LXN: variants seen among roughly 807,000 people sequenced by gnomAD.
LXN encodes MUM.
A neutral mutation model predicts 29.8 loss-of-function variants in LXN; 28 were observed. The ratio of observed to expected loss-of-function variants is 0.94; its 90% confidence interval spans 0.70 to 1.29. The LOEUF (loss-of-function observed/expected upper bound fraction) is 1.29, where lower values mean the gene tolerates loss of function less well. Among genes scored for constraint, LXN ranks in the 50% most tolerant of loss-of-function variants. The pLI is 0.00. For synonymous variants in LXN, 77 were observed against 89.6 expected (o/e 0.86, Z 0.80); for missense variants, 227 against 261.7 (o/e 0.87, Z 0.92).
Position 158,666,454 on chromosome 3 carries a change from C to T in LXN, c.*192G>A. The T allele has an allele frequency of 7.6e-7, 1 of 1,310,916 alleles. No homozygotes were observed. Among genetic ancestry groups the T allele is most frequent in the Admixed American group, 1.7e-5 (1 of 59,102 alleles). The allele number at this position is 1,310,916 out of a possible 1,614,324, so 81.2% of individuals were successfully genotyped here. A position where few individuals can be genotyped will look rare whatever the true frequency, so the allele number is the denominator to read the frequency against. Reference sequence around the variant, plus strand: ...AGCTTTTTATTTTGGATATACATACCACTATTACTGTTTTAAAGACATTTT... The same window carrying T: ...AGCTTTTTATTTTGGATATACATACTACTATTACTGTTTTAAAGACATTTT... On this transcript the variant is annotated 3_prime_UTR_variant, in exon 6 of 6. Coordinates refer to ENST00000264265, the MANE Select transcript of LXN (RefSeq NM_020169.4).
chr3:158,666,961 A>AG (rs1723753557), intron 5 of LXN, 51 bp downstream of exon 5: 1 of 1,565,888 alleles, frequency 6.4e-7, no homozygotes, highest in Admixed American at 2.0e-5. Context: ...TGGCTATACA[A>AG]GGAGTCTCAG....
Position 158,669,497 on chromosome 3 carries a change from T to G in LXN, c.306A>C (p.Glu102Asp). Residue 102 changes from glutamate (E) to aspartate (D), a missense_variant, in exon 3 of 6, where the codon GAA becomes GAC. Glu to Asp is a conservative substitution (Grantham distance 45). Coordinates refer to ENST00000264265, the MANE Select transcript of LXN (RefSeq NM_020169.4). ...TAAGTCTTTGATAAAATGTGTTGTC[T>G]TCTTCATCTGGATTCTTTCCAGTTT... ...EGETGKNPDE[E>D]DNTFYQRLKS... The G allele has an allele frequency of 6.2e-7, 1 of 1,614,010 alleles. No individual in the cohort carries two copies. The highest frequency in any genetic ancestry group is 8.5e-7 in the Non-Finnish European group (1 of 1,179,912).
chr3:158,672,378 A>C lies in LXN; in HGVS notation c.101T>G (p.Val34Gly). Residue 34 changes from valine to glycine, a missense_variant, in exon 1 of 6, where the codon GTG becomes GGG. Val to Gly is a moderately radical substitution (Grantham distance 109). Coordinates refer to ENST00000264265, the MANE Select transcript of LXN (RefSeq NM_020169.4). Reference protein sequence around the residue: ...QQGTPHRVFEVQKVKQASMED... With the variant: ...QQGTPHRVFEGQKVKQASMED... ...CATGCTGGCTTGTTTGACCTTCTGC[A>C]CCTCAAACACCCTGTGCGGGGTCCC... 1 of 1,613,894 alleles carries C rather than the reference A, an allele frequency of 6.2e-7. No individual in the cohort carries two copies. The highest frequency in any genetic ancestry group is 8.5e-7 in the Non-Finnish European group (1 of 1,179,884).
At chr3:158,672,208 C>A in intron 1 of LXN, 142 bp downstream of exon 1, 1 of 1,021,928 alleles carries the variant, frequency 9.8e-7, no homozygotes, top group Non-Finnish European at 1.4e-6. Context: ...TATCTCAAGA[C>A]CAGATACCAG....
Position 158,667,091 on chromosome 3 carries a change from A to G in LXN, c.508-17T>C. ...ATTTCTTTGCTATGACAAAAAATAA[A>G]AACGTGTTGTTTAAAACTTAATATC... On this transcript the variant is annotated splice_polypyrimidine_tract_variant and intron_variant, in intron 4 of 5. Coordinates refer to ENST00000264265, the MANE Select transcript of LXN (RefSeq NM_020169.4). 6.4e-7 allele frequency: 1 copy of G among 1,571,142 alleles called. No homozygotes were observed.
intron 2 of LXN, among the ~76,000 whole-genome samples, chr3:158,669,989 A>C (rs535254827): frequency 1.1e-4 from 17 of 152,322 alleles, no homozygotes; most frequent in Non-Finnish European, 2.1e-4. Flanking sequence ...TTGCTCCTGA[A>C]ATAACAAAGT....
chr3:158,666,527 A>T lies in LXN; in HGVS notation c.*119T>A. The T allele has an allele frequency of 8.6e-7, 1 of 1,166,922 alleles. No homozygotes were observed. The highest frequency in any genetic ancestry group is 1.3e-5 in the South Asian group (1 of 78,978). The allele number at this position is 1,166,922 out of a possible 1,614,324, so 72.3% of individuals were successfully genotyped here. ...TGGACTCTATAAAGTTCTATACTGT[A>T]ATCAAGACATTTATATAAAGTGACA... is the stretch of plus-strand genomic sequence containing the variant. On this transcript the variant is annotated 3_prime_UTR_variant, in exon 6 of 6. Transcript: ENST00000264265.
chr3:158,672,264 T>C lies in LXN; in HGVS notation c.129+86A>G, dbSNP rs1724397685. ...GGTGGGTAGGGGGTGGCACGGAGTG[T>C]CTGCACCCAAAGGCTGAGACCGCGG... On this transcript the variant is annotated intron_variant, in intron 1 of 5. Transcript: ENST00000264265. 3 of 1,539,838 alleles carry C rather than the reference T, an allele frequency of 1.9e-6. No individual in the cohort carries two copies. In the African/African-American group the frequency reaches 4.1e-5, roughly 21 times the overall value.
At chr3:158,671,900 C>G (rs1576767649) in intron 1 of LXN, among the ~76,000 whole-genome samples, 1 of 152,284 alleles carries the variant, frequency 6.6e-6, no homozygotes, top group East Asian at 1.9e-4. Flanking sequence ...TTGTTTCCCC[C>G]TTCATTTTGG....
chr3:158,672,578 G>A lies in LXN; in HGVS notation c.-100C>T, dbSNP rs1576769433. 2 of 1,486,668 alleles carry A rather than the reference G, an allele frequency of 1.3e-6. No homozygotes were observed. 92.1% of individuals were successfully genotyped at this position (1,486,668 alleles called of 1,614,324 possible). On this transcript the variant is annotated 5_prime_UTR_variant, in exon 1 of 6. Coordinates refer to ENST00000264265, the MANE Select transcript of LXN (RefSeq NM_020169.4). ...GCTTGCTGCTGGGTCCGGTTGCCGA[G>A]GCGGAAAAGTCGCAAGCTCCTTCAG...
chr3:158,666,936 T>G (rs1439827618), intron 5 of LXN, 76 bp downstream of exon 5: 1 of 1,537,518 alleles, frequency 6.5e-7, no homozygotes, highest in African/African-American at 1.4e-5. Context: ...GAGTCAAAAT[T>G]AATAAAGCAT....
Position 158,672,429 on chromosome 3 carries a change from GC to G in LXN, c.49del (p.Ala17HisfsTer52). On this transcript the variant is annotated frameshift_variant, in exon 1 of 6. Coordinates refer to ENST00000264265, the MANE Select transcript of LXN (RefSeq NM_020169.4). LOFTEE classifies it high-confidence loss of function. ...CTGCTGGTAGTTGATGTAGTTCTGTGCCACCAAGGCCGCCCTGGAGGCTGGG... is the reference window on the plus strand; with the variant it reads ...CTGCTGGTAGTTGATGTAGTTCTGTGCACCAAGGCCGCCCTGGAGGCTGGG... ...NYPASRAALV[A>X]QNYINYQQGT... 1 of 1,614,096 alleles carries G rather than the reference GC, an allele frequency of 6.2e-7. No homozygotes were observed. The highest frequency in any genetic ancestry group is 8.5e-7 in the Non-Finnish European group (1 of 1,179,974).
chr3:158,671,467 T>G (rs919397169), intron 1 of LXN, among the ~76,000 whole-genome samples: 1 of 152,240 alleles, frequency 6.6e-6, no homozygotes, highest in Non-Finnish European at 1.5e-5. Flanking sequence ...AATTGGAGAC[T>G]TAATACAATT....
chr3:158,666,854 T>G, intron 5 of LXN, 110 bp from the exon 6 acceptor site: 1 of 1,416,020 alleles, frequency 7.1e-7, no homozygotes, highest in Non-Finnish European at 9.6e-7. Flanking sequence ...AGAATAGTAC[T>G]TTTGTTAAAT....
chr3:158,666,929 T>G (rs1723749952), intron 5 of LXN, 83 bp downstream of exon 5: 42 of 1,531,450 alleles, frequency 2.7e-5, no homozygotes, highest in Non-Finnish European at 3.7e-5. Flanking sequence ...TGATTTAGAG[T>G]CAAAATTAAT....
intron 4 of LXN, 145 bp downstream of exon 4, chr3:158,668,851 G>A (rs1723979382): frequency 3.1e-6 from 2 of 651,508 alleles, no homozygotes; most frequent in Non-Finnish European, 5.0e-6. Context: ...CTCTAATCTT[G>A]ATTGTACCTG....
rs147759114 is a variant in LXN, at chr3:158,669,097, C to T, written c.406G>A (p.Val136Ile). 1.1e-3 allele frequency: 1,818 copies of T among 1,613,554 alleles called. 19 individuals are homozygous for T. The African/African-American group carries it at 0.019, about 17-fold the overall frequency. ...FGNVSPEMTL[V>I]LHLAWVACGY... ...CAGGCAACCCAGGCTAAATGTAGAA[C>T]GAGCGTCATTTCTGGAGATACATTT... The change falls in exon 4 of 6, where the codon GTT becomes ATT. Residue 136 changes from valine to isoleucine, a missense_variant. Transcript: ENST00000264265.
intron 4 of LXN, among the ~76,000 whole-genome samples, chr3:158,668,378 AT>A (rs916670133): frequency 6.6e-6 from 1 of 152,028 alleles, no homozygotes; most frequent in Non-Finnish European, 1.5e-5. Context: ...GCTACCATCC[AT>A]TTTTTTCCCC....
In LXN at chr3:158,666,664, C is replaced by T; in HGVS notation, c.651G>A (p.Lys217=). Residue 217 remains lysine, a synonymous_variant, in exon 6 of 6, where the codon AAG becomes AAA. Transcript: ENST00000264265. ...TTTTTGTTTATTCCAGTTGTACTTCCTTTGGCAGACGGCTATTATGTTTTA... is the reference window on the plus strand; with the variant it reads ...TTTTTGTTTATTCCAGTTGTACTTCTTTTGGCAGACGGCTATTATGTTTTA... The part of the protein sequence containing the change: ...TKVKHNSRLP[K]EVQLE 1 of 1,613,784 alleles carries T rather than the reference C, an allele frequency of 6.2e-7. No homozygotes were observed.
Sources: gnomAD v4.1 joint callset for allele counts (sites outside exome capture counted in the v4.1 genomes callset) on GRCh38, gnomAD v4.1.1 for gene constraint, MANE v1.5 for transcripts, NCBI Gene and HGNC (gene_info 2026-07-23, HGNC 2026-07-21) for gene names.